CIT: variants seen among roughly 807,000 people sequenced by gnomAD.
The protein encoded by CIT is citron Rho-interacting kinase.
A neutral mutation model predicts 272.7 loss-of-function variants in CIT; 79 were observed. The observed-to-expected ratio is 0.29, with a 90% CI of 0.24 to 0.35. The LOEUF is 0.35. CIT is among the 10% of genes least tolerant of loss of function. The pLI is 1.00. For synonymous variants in CIT, 948 were observed against 995.6 expected (o/e 0.95, Z 0.90); for missense variants, 1,909 against 2,618.3 (o/e 0.73, Z 5.91).
chr12:119,714,448 G>T (rs1957339166), intron 32 of CIT, 114 bp from the exon 33 acceptor site: 2 of 1,088,252 alleles, frequency 1.8e-6, no homozygotes, highest in African/African-American at 1.6e-5. Flanking sequence ...TCTCTGATAA[G>T]GGACTCATAT....
intron 17 of CIT, among the ~76,000 whole-genome samples, chr12:119,772,561 T>A (rs758428716): frequency 6.6e-5 from 10 of 152,234 alleles, no homozygotes; most frequent in Admixed American, 1.3e-4. Flanking sequence ...AAAACTTCTA[T>A]GAAGACATCT....
Position 119,697,981 on chromosome 12 carries a change from T to C in CIT, c.5697A>G (p.Ser1899=). Residue 1899 remains serine (S), a synonymous_variant, in exon 45 of 48, where the codon TCA becomes TCG. Transcript: ENST00000392521. The surrounding 1 kb of genome is among the most constrained non-coding windows in gnomAD (Gnocchi z 4.9). ...LEVIEIQARS[S]AGTPARAYLD... ...CATGGGAGGACAATGCTTACCCTGCTGAGGAGCGTGCCTGGATCTCAATTA... is the reference window on the plus strand; with the variant it reads ...CATGGGAGGACAATGCTTACCCTGCCGAGGAGCGTGCCTGGATCTCAATTA... 1 of 1,614,164 alleles carries C rather than the reference T, an allele frequency of 6.2e-7. No homozygotes were observed. Among genetic ancestry groups the C allele is most frequent in the Non-Finnish European group, 8.5e-7 (1 of 1,180,016 alleles).
chr12:119,697,704 T>C lies in CIT; in HGVS notation c.5837A>G (p.Lys1946Arg). The change falls in exon 46 of 48, where the codon AAG becomes AGG. Residue 1946 changes from lysine (K) to arginine (R), a missense_variant. Physicochemically the swap from Lys to Arg is conservative, Grantham distance 26. Around this residue, in one of 8 missense-constraint regions of CIT, gnomAD observed 780 missense variants for 1,067.2 expected, o/e 0.73. Coordinates refer to ENST00000392521, the MANE Select transcript of CIT (RefSeq NM_001206999.2). The surrounding 1 kb of genome is among the most constrained non-coding windows in gnomAD (Gnocchi z 4.9). ...CCGGTGGTGTTCAGTGCCGGACTCC[T>C]TCACGAGGTTTCCCTTGCAGCAAAT... ...RVICCKGNLVKESGTEHHRGP... is the reference protein window; with the variant it reads ...RVICCKGNLVRESGTEHHRGP... 2 of 1,614,194 alleles carry C rather than the reference T, an allele frequency of 1.2e-6. No individual in the cohort carries two copies. Among genetic ancestry groups the C allele is most frequent in the Non-Finnish European group, 8.5e-7 (1 of 1,180,046 alleles).
chr12:119,699,603 C>T (rs910533872), intron 44 of CIT, among the ~76,000 whole-genome samples: 1 of 152,132 alleles, frequency 6.6e-6, no homozygotes, highest in African/African-American at 2.4e-5. Context: ...TTGGAAGAAG[C>T]CAGCGTGGAA....
chr12:119,857,500 G>A (rs757662306), intron 4 of CIT, 23 bp downstream of exon 4: 2 of 1,612,616 alleles, frequency 1.2e-6, no homozygotes, highest in Non-Finnish European at 1.7e-6. Context: ...AAGTGGAAAA[G>A]CATGATGTTA....
chr12:119,717,166 C>T (rs1328247907), intron 32 of CIT, among the ~76,000 whole-genome samples: 1 of 152,216 alleles, frequency 6.6e-6, no homozygotes, highest in African/African-American at 2.4e-5. Context: ...AGTTCTCCTG[C>T]CTCAGCCTCC....
chr12:119,706,331 T>G (rs2137021718), intron 40 of CIT, among the ~76,000 whole-genome samples: 1 of 152,318 alleles, frequency 6.6e-6, no homozygotes, highest in East Asian at 1.9e-4. Context: ...TGCAGGTTTG[T>G]TGTATCAATA....
Position 119,804,366 on chromosome 12 carries a change from G to A in CIT, c.1112-977C>T. 1 of 985,544 alleles carries A rather than the reference G, an allele frequency of 1.0e-6. No homozygotes were observed. Among genetic ancestry groups the A allele is most frequent in the Non-Finnish European group, 1.2e-6 (1 of 830,006 alleles). The allele number at this position is 985,544 out of a possible 1,614,324, so 61.0% of individuals were successfully genotyped here. On this transcript the variant is annotated intron_variant, in intron 9 of 47. Transcript: ENST00000392521. The surrounding 1 kb of genome is among the most constrained non-coding windows in gnomAD (Gnocchi z 5.3). ...GGCGTCCGTGGCGGGCCAGCCAGGC[G>A]AGTTAGAGCCGAGCATCACATCCCC... is the stretch of plus-strand genomic sequence containing the variant.
chr12:119,761,265 C>T (rs939581952), intron 19 of CIT, among the ~76,000 whole-genome samples: 1 of 152,144 alleles, frequency 6.6e-6, no homozygotes, highest in Non-Finnish European at 1.5e-5. Flanking sequence ...CATCCAATGG[C>T]AAGTAACAGG....
At chr12:119,791,400 A>G (rs1965295472) in intron 10 of CIT, among the ~76,000 whole-genome samples, 2 of 152,136 alleles carry the variant, frequency 1.3e-5, no homozygotes, top group Admixed American at 6.5e-5. Flanking sequence ...GTTCACAGCC[A>G]CCCCAGGGAA....
chr12:119,858,987 T>C (rs1319580259), intron 3 of CIT, among the ~76,000 whole-genome samples: 3 of 152,176 alleles, frequency 2.0e-5, no homozygotes, highest in Admixed American at 1.3e-4. Context: ...AATCTTTCAG[T>C]CAGAGATCCT....
rs1962959301 is a variant in CIT, at chr12:119,770,364, C to T, written c.2208+421G>A. ...CAAAACAATTCTGTATGACTAATTG[C>T]TTTCTTCTCTAAAAGCAAGAATCTG... is the stretch of plus-strand genomic sequence containing the variant. On this transcript the variant is annotated intron_variant, in intron 18 of 47. Coordinates refer to ENST00000392521, the MANE Select transcript of CIT (RefSeq NM_001206999.2). The surrounding 1 kb of genome is among the most constrained non-coding windows in gnomAD (Gnocchi z 4.4). Among the ~76,000 whole-genome samples, 1 of 152,152 alleles carries T rather than the reference C, an allele frequency of 6.6e-6. No individual in the cohort carries two copies. Among genetic ancestry groups the T allele is most frequent in the African/African-American group, 2.4e-5 (1 of 41,440 alleles).
intron 3 of CIT, among the ~76,000 whole-genome samples, chr12:119,867,785 G>A (rs543548634): frequency 6.6e-6 from 1 of 152,082 alleles, no homozygotes; most frequent in African/African-American, 2.4e-5. Context: ...ATGAAACTGG[G>A]ACACTAACAG....
intron 28 of CIT, among the ~76,000 whole-genome samples, chr12:119,723,614 GC>G (rs1957924821): frequency 6.6e-6 from 1 of 152,136 alleles, no homozygotes; most frequent in South Asian, 2.1e-4. Flanking sequence ...AAAAGAAAGG[GC>G]CTGGATGATA....
At chr12:119,708,014 C>A (rs189795159) in intron 40 of CIT, among the ~76,000 whole-genome samples, 165 bp downstream of exon 40, 9 of 151,984 alleles carry the variant, frequency 5.9e-5, no homozygotes, top group African/African-American at 1.9e-4. Flanking sequence ...ATTCCCATTG[C>A]AAAGCCCTGT....
intron 7 of CIT, among the ~76,000 whole-genome samples, chr12:119,828,479 G>A (rs1968341469): frequency 6.6e-6 from 1 of 152,066 alleles, no homozygotes. Flanking sequence ...GCTAATCTCG[G>A]TGAGATATTA....
In CIT at chr12:119,767,181, T is replaced by G; in HGVS notation, c.2210A>C (p.Glu737Ala). The change falls in exon 19 of 48, where the codon GAG becomes GCG. Residue 737 changes from glutamate (E) to alanine (A), a missense_variant and splice_region_variant. Transcript: ENST00000392521. Reference sequence around the variant, plus strand: ...GGCCTCCCGATGTTTCTCTTCGAGCTCCTAGACACAAAAGAAAAGACAGTC... The same window carrying G: ...GGCCTCCCGATGTTTCTCTTCGAGCGCCTAGACACAAAAGAAAAGACAGTC... ...QIQQMADKIL[E>A]LEEKHREAQV... The G allele has an allele frequency of 6.2e-7, 1 of 1,607,974 alleles. No individual in the cohort carries two copies. The highest frequency in any genetic ancestry group is 8.5e-7 in the Non-Finnish European group (1 of 1,176,932).
In CIT at chr12:119,700,811, C is replaced by T. The variant is rs1460700555; in HGVS notation, c.5557G>A (p.Val1853Met). The change falls in exon 44 of 48, where the codon GTG (valine) becomes ATG (methionine). Residue 1853 changes from valine to methionine, a missense_variant. Val to Met is a conservative substitution (Grantham distance 21). This residue lies in a region of CIT where 780 missense variants were observed against 1,067.2 expected (regional missense o/e 0.73). Coordinates refer to ENST00000392521, the MANE Select transcript of CIT (RefSeq NM_001206999.2). ...LLCFHEFGVF[V>M]DSYGRRSRTD... ...CGGCTACGTCTTCCGTAAGAATCCA[C>T]GAACACTCCAAATTCTGCAAGGTGT... The T allele has an allele frequency of 3.7e-6, 6 of 1,613,724 alleles. No homozygotes were observed. The highest frequency in any genetic ancestry group is 2.2e-5 in the East Asian group (1 of 44,834).
chr12:119,751,390 C>T (rs992060835), intron 23 of CIT, among the ~76,000 whole-genome samples: 1 of 150,616 alleles, frequency 6.6e-6, no homozygotes, highest in Admixed American at 6.6e-5. Flanking sequence ...CAAAAAAATC[C>T]ATTTCAGACT....
Sources: allele counts gnomAD v4.1 joint callset (sites outside exome capture counted in the v4.1 genomes callset), GRCh38; gene constraint gnomAD v4.1.1; regional missense constraint gnomAD v4.1.1; non-coding constraint Gnocchi (gnomAD v3.1); transcripts MANE v1.5; gene names NCBI Gene and HGNC (gene_info 2026-07-23, HGNC 2026-07-21).